The following RBMS3 variants were observed in gnomAD, a reference collection of about 807,000 sequenced individuals.
RBMS3 encodes RNA binding motif single stranded interacting protein 3.
In RBMS3, 27 loss-of-function variants were observed where a neutral mutation model predicts 66.8. The observed-to-expected ratio is 0.40, with a 90% CI of 0.30 to 0.56. RBMS3 has a LOEUF of 0.56. Ranked by LOEUF, RBMS3 falls within the 20% of genes least tolerant of loss-of-function variation. The pLI, the probability that RBMS3 is intolerant of heterozygous loss-of-function variation, is 0.40. For synonymous variants in RBMS3, 188 were observed against 183.0 expected, an observed-to-expected ratio of 1.03 and a Z score of -0.22; for missense variants, 513 against 549.5, an observed-to-expected ratio of 0.93 and a Z score of 0.66.
At chr3:29,322,403 A>G (rs999484765) in intron 1 of RBMS3, among the ~76,000 whole-genome samples, 2 of 152,128 alleles carry the variant, frequency 1.3e-5, no homozygotes, top group African/African-American at 2.4e-5. Context: ...TTAAAATACA[A>G]TAATATTCTG....
chr3:29,601,704 A>G (rs1481130826), intron 4 of RBMS3, among the ~76,000 whole-genome samples: 1 of 152,088 alleles, frequency 6.6e-6, no homozygotes. Flanking sequence ...TTGTCACACT[A>G]TCTTGCACAT....
intron 2 of RBMS3, among the ~76,000 whole-genome samples, chr3:29,480,499 A>G (rs887141791): frequency 3.3e-5 from 5 of 152,230 alleles, no homozygotes; most frequent in Non-Finnish European, 7.3e-5. Flanking sequence ...AAGGTAATGC[A>G]TGGATCCCAG....
chr3:29,342,509 AG>A (rs2036333474), intron 1 of RBMS3, among the ~76,000 whole-genome samples: 1 of 152,194 alleles, frequency 6.6e-6, no homozygotes, highest in African/African-American at 2.4e-5. Flanking sequence ...CATTGAAAAA[AG>A]TATTTTTATA....
chr3:29,924,137 G>A (rs1444255514), intron 10 of RBMS3, among the ~76,000 whole-genome samples: 2 of 152,246 alleles, frequency 1.3e-5, no homozygotes, highest in African/African-American at 4.8e-5. Context: ...TGTCACTGCT[G>A]TCCCCCAAAC....
At chr3:29,997,929 C>G (rs1699358465) in intron 14 of RBMS3, among the ~76,000 whole-genome samples, 1 of 152,112 alleles carries the variant, frequency 6.6e-6, no homozygotes, top group Non-Finnish European at 1.5e-5. Flanking sequence ...GGCAATCAGC[C>G]AGGAGAAAGA....
intron 4 of RBMS3, among the ~76,000 whole-genome samples, chr3:29,737,001 C>T (rs1435095578): frequency 2.6e-5 from 4 of 151,278 alleles, no homozygotes; most frequent in East Asian, 1.9e-4. Flanking sequence ...TTTTTTGAGA[C>T]GGACTCTCGC....
intron 12 of RBMS3, among the ~76,000 whole-genome samples, chr3:29,970,727 G>A (rs1697173772): frequency 1.3e-5 from 2 of 151,962 alleles, no homozygotes; most frequent in Non-Finnish European, 2.9e-5. Context: ...ACTTTTATTT[G>A]CTCTCTTTAT....
chr3:29,563,332 A>G (rs1019618422), intron 3 of RBMS3, among the ~76,000 whole-genome samples: 3 of 152,242 alleles, frequency 2.0e-5, no homozygotes, highest in African/African-American at 7.2e-5. Context: ...AATTGCTTGG[A>G]TATTTCAAGC....
At chr3:29,592,600 T>C (rs1287693216) in intron 4 of RBMS3, among the ~76,000 whole-genome samples, 1 of 152,140 alleles carries the variant, frequency 6.6e-6, no homozygotes, top group African/African-American at 2.4e-5. Context: ...GACAGTGTGG[T>C]GATTCCTCAA....
intron 4 of RBMS3, among the ~76,000 whole-genome samples, chr3:29,694,867 A>ATTTTTT (rs1559577435): frequency 9.3e-5 from 14 of 151,008 alleles, no homozygotes; most frequent in African/African-American, 3.5e-4. Context: ...TTTTTAAAAA[A>ATTTTTT]AAAATACAAG....
At chr3:29,845,265 T>C (rs893858951) in intron 6 of RBMS3, among the ~76,000 whole-genome samples, 1 of 152,226 alleles carries the variant, frequency 6.6e-6, no homozygotes, top group Non-Finnish European at 1.5e-5. Flanking sequence ...AGTTGGTAGT[T>C]AAGAGTCTGC....
chr3:29,506,065 A>AT (rs1189944958), intron 3 of RBMS3, among the ~76,000 whole-genome samples: 1 of 151,664 alleles, frequency 6.6e-6, no homozygotes, highest in East Asian at 1.9e-4. Context: ...AATGCCCTTT[A>AT]TTTCTTTTTC....
rs1388210614 is a variant in RBMS3 at position 30,007,168 on chromosome 3, T to A, written c.*3306T>A. 1 of 152,090 alleles carries A rather than the reference T, an allele frequency of 6.6e-6. No homozygotes were observed. The highest frequency in any genetic ancestry group is 1.9e-4 in the East Asian group (1 of 5,194). 9.4% of individuals were successfully genotyped at this position (152,090 alleles called of 1,614,324 possible). ...AAAAGCATCAACAGGTAAGCAGCAT[T>A]ACATTGTGTGGTAATAAACCAAAAT... is the stretch of plus-strand genomic sequence containing the variant. On this transcript the variant is annotated 3_prime_UTR_variant, in exon 15 of 15. Coordinates refer to ENST00000383767, the MANE Select transcript of RBMS3 (RefSeq NM_001003793.3).
intron 1 of RBMS3, among the ~76,000 whole-genome samples, chr3:29,323,719 CACACA>C (rs761192150): frequency 6.6e-6 from 1 of 150,688 alleles, no homozygotes; most frequent in Non-Finnish European, 1.5e-5. Context: ...CACACACACA[CACACA>C]CACCCCTTGG....
intron 10 of RBMS3, among the ~76,000 whole-genome samples, chr3:29,904,487 T>A (rs2060328632): frequency 3.3e-5 from 5 of 152,164 alleles, no homozygotes; most frequent in African/African-American, 1.2e-4. Context: ...GAGCCATATA[T>A]AGATCTATAT....
chr3:29,639,081 A>C (rs2049582940), intron 4 of RBMS3, among the ~76,000 whole-genome samples: 2 of 151,878 alleles, frequency 1.3e-5, no homozygotes, highest in African/African-American at 4.8e-5. Flanking sequence ...AAAGGCACAA[A>C]AATGACATTG....
At chr3:29,391,044 C>A in intron 1 of RBMS3, 1 of 388,154 alleles carries the variant, frequency 2.6e-6, no homozygotes, top group South Asian at 2.2e-5. Flanking sequence ...TGGTGGAGGC[C>A]CTTTGTGCTG....
intron 11 of RBMS3, 85 bp downstream of exon 11, chr3:29,936,281 CTG>C (rs1455550931): frequency 8.0e-7 from 1 of 1,242,938 alleles, no homozygotes; most frequent in African/African-American, 1.5e-5. Flanking sequence ...ATCAGTGAAA[CTG>C]TGTCTGTACC....
intron 3 of RBMS3, among the ~76,000 whole-genome samples, chr3:29,541,848 T>C (rs2045775969): frequency 6.6e-6 from 1 of 151,914 alleles, no homozygotes; most frequent in African/African-American, 2.4e-5. Flanking sequence ...CCCTCAGCCC[T>C]ACTGTCTCCT....
Sources: allele counts gnomAD v4.1 joint callset (sites outside exome capture counted in the v4.1 genomes callset), GRCh38; gene constraint gnomAD v4.1.1; transcripts MANE v1.5; gene names NCBI Gene and HGNC (gene_info 2026-07-23, HGNC 2026-07-21).